Variants in GRHL2 observed in about 807,000 individuals in gnomAD.
The protein encoded by GRHL2 is grainyhead-like protein 2 homolog.
Under a neutral mutation model 83.8 loss-of-function variants are expected in GRHL2, and 21 were observed. The ratio of observed to expected loss-of-function variants is 0.25; its 90% confidence interval spans 0.18 to 0.36. The LOEUF is 0.36. Among genes scored for constraint, GRHL2 ranks in the 10% least tolerant of loss-of-function variants. The pLI, the probability that GRHL2 is intolerant of heterozygous loss-of-function variation, is 1.00. For synonymous variants in GRHL2, 280 were observed against 278.9 expected (o/e 1.00, Z -0.04); for missense variants, 623 against 781.8 (o/e 0.80, Z 2.42).
intron 1 of GRHL2, among the ~76,000 whole-genome samples, chr8:101,526,779 C>G (rs1810815119): frequency 6.6e-6 from 1 of 152,114 alleles, no homozygotes; most frequent in Admixed American, 6.6e-5. Context: ...GAGGCAATTG[C>G]TGTATTTCGG....
intron 1 of GRHL2, among the ~76,000 whole-genome samples, chr8:101,528,140 T>A (rs1810845412): frequency 6.6e-6 from 1 of 152,206 alleles, no homozygotes; most frequent in Non-Finnish European, 1.5e-5. Context: ...CCTTTCATCC[T>A]CTTCACTGCT....
chr8:101,558,057 G>T (rs1301830359), intron 3 of GRHL2, among the ~76,000 whole-genome samples: 1 of 152,022 alleles, frequency 6.6e-6, no homozygotes, highest in Non-Finnish European at 1.5e-5. Context: ...TGTTAGAGAC[G>T]GGGTTTCACC....
chr8:101,573,638 G>A, intron 5 of GRHL2, 30 bp from the exon 6 acceptor site: 4 of 1,613,794 alleles, frequency 2.5e-6, no homozygotes, highest in Non-Finnish European at 3.4e-6. Flanking sequence ...CAAGTGAGTG[G>A]ATCTGACCGC....
chr8:101,644,726 G>A (rs1297469625), intron 13 of GRHL2, among the ~76,000 whole-genome samples: 1 of 152,212 alleles, frequency 6.6e-6, no homozygotes, highest in Non-Finnish European at 1.5e-5. Flanking sequence ...GCATGTCAAT[G>A]CCATACAGGA....
intron 9 of GRHL2, among the ~76,000 whole-genome samples, chr8:101,621,898 C>T (rs1467471122): frequency 1.4e-5 from 2 of 138,400 alleles, no homozygotes; most frequent in East Asian, 2.0e-4. Flanking sequence ...AAATAAAATC[C>T]AATATACATA....
chr8:101,550,308 G>A (rs1811353093), intron 2 of GRHL2, among the ~76,000 whole-genome samples: 1 of 152,058 alleles, frequency 6.6e-6, no homozygotes, highest in Non-Finnish European at 1.5e-5. Flanking sequence ...CACCCAGGTA[G>A]TGGGCATAGG....
At chr8:101,593,802 A>G (rs901308298) in intron 7 of GRHL2, among the ~76,000 whole-genome samples, 7 of 152,020 alleles carry the variant, frequency 4.6e-5, no homozygotes, top group African/African-American at 9.7e-5. Context: ...ATGGTGGCTC[A>G]CACCTGTAAT....
At chr8:101,608,743 A>T (rs1453026710) in intron 8 of GRHL2, among the ~76,000 whole-genome samples, 8,380 of 53,342 alleles carry the variant, frequency 0.16, 1,226 homozygotes, top group African/African-American at 0.45. Flanking sequence ...TCTCACACAC[A>T]CACACACACA....
intron 8 of GRHL2, among the ~76,000 whole-genome samples, chr8:101,602,615 G>A (rs978674776): frequency 6.6e-6 from 1 of 152,108 alleles, no homozygotes; most frequent in African/African-American, 2.4e-5. Context: ...TAAAAATCCA[G>A]GTTTTTAAGT....
rs1335956158 is a variant in GRHL2 at position 101,636,095 on chromosome 8, G to C, written c.1486-802G>C. On this transcript the variant is annotated intron_variant, in intron 11 of 15. Coordinates refer to ENST00000646743, the MANE Select transcript of GRHL2 (RefSeq NM_024915.4). ...AACAGTCCTGACACACACAGATAAA[G>C]ATGACAAAAGACCCACAATTAGTGT... Among the ~76,000 whole-genome samples, 4 of 152,206 alleles carry C rather than the reference G, an allele frequency of 2.6e-5. 1 individual carries two copies. Among genetic ancestry groups the C allele is most frequent in the South Asian group, 4.1e-4 (2 of 4,834 alleles).
At chr8:101,562,078 A>T (rs1428507369) in intron 4 of GRHL2, 11 of 693,818 alleles carry the variant, frequency 1.6e-5, no homozygotes, top group African/African-American at 5.2e-5. Context: ...TTTGCCTGCA[A>T]GGGGGGCTCA....
At chr8:101,511,458 A>T (rs1810463388) in intron 1 of GRHL2, among the ~76,000 whole-genome samples, 1 of 152,050 alleles carries the variant, frequency 6.6e-6, no homozygotes. Flanking sequence ...TCCTCAAGCG[A>T]CGCCTCAGGC....
chr8:101,517,912 A>G (rs904746125), intron 1 of GRHL2, among the ~76,000 whole-genome samples: 2 of 152,188 alleles, frequency 1.3e-5, no homozygotes, highest in Non-Finnish European at 2.9e-5. Flanking sequence ...CAGCAGTGAC[A>G]CCAGATAGAA....
intron 8 of GRHL2, among the ~76,000 whole-genome samples, chr8:101,613,690 C>T (rs1388228627): frequency 3.3e-5 from 5 of 150,674 alleles, no homozygotes; most frequent in South Asian, 2.1e-4. Context: ...GTTCTAAAAC[C>T]GAGAAAGGAA....
At chr8:101,673,797 A>C (rs1814247784), downstream of GRHL2, among the ~76,000 whole-genome samples, 2 of 152,098 alleles carry the variant, frequency 1.3e-5, no homozygotes, top group Admixed American at 1.3e-4. Flanking sequence ...AATTGACCAC[A>C]TAATTGGAAG....
chr8:101,566,572 T>C (rs1811721467), intron 4 of GRHL2, among the ~76,000 whole-genome samples: 1 of 148,038 alleles, frequency 6.8e-6, no homozygotes, highest in Non-Finnish European at 1.5e-5. Context: ...ATAACTATAA[T>C]AATATAAATA....
At chr8:101,672,397 C>T (rs557560619), downstream of GRHL2, among the ~76,000 whole-genome samples, 591 of 151,666 alleles carry the variant, frequency 3.9e-3, 4 homozygotes, top group Non-Finnish European at 5.7e-3. Flanking sequence ...TCGAGAACTA[C>T]GTGAAGAATG....
At chr8:101,633,756 G>A (rs762668980) in intron 11 of GRHL2, among the ~76,000 whole-genome samples, 1 of 151,926 alleles carries the variant, frequency 6.6e-6, no homozygotes, top group East Asian at 1.9e-4. Flanking sequence ...CAAGACCATG[G>A]TGATGATTTG....
intron 5 of GRHL2, among the ~76,000 whole-genome samples, chr8:101,571,479 A>AC (rs1811820211): frequency 8.8e-6 from 1 of 113,898 alleles, no homozygotes; most frequent in African/African-American, 3.4e-5. Flanking sequence ...ACATAGTAAG[A>AC]CCCCATTACA....
Sources: allele counts gnomAD v4.1 joint callset (sites outside exome capture counted in the v4.1 genomes callset), GRCh38; gene constraint gnomAD v4.1.1; transcripts MANE v1.5; gene names NCBI Gene and HGNC (gene_info 2026-07-23, HGNC 2026-07-21).